Variants in KDM6A observed in about 807,000 individuals in gnomAD.
KDM6A encodes lysine demethylase 6A, also known as lysine-specific demethylase 6A.
KDM6A carries 11 observed loss-of-function variants against 117.6 expected under a neutral mutation model. That is an observed-to-expected ratio of 0.09 (90% CI 0.06 to 0.15). KDM6A has a LOEUF of 0.15. KDM6A is among the 10% of genes least tolerant of loss of function. The pLI, the probability that KDM6A is intolerant of heterozygous loss-of-function variation, is 1.00. For missense variants in KDM6A, 799 were observed against 1,077.3 expected, an observed-to-expected ratio of 0.74 and a Z score of 3.62; for synonymous variants, 384 against 396.1, an observed-to-expected ratio of 0.97 and a Z score of 0.36.
intron 2 of KDM6A, among the ~76,000 whole-genome samples, chrX:44,910,182 A>AT (rs2034993877): frequency 8.9e-6 from 1 of 111,870 alleles, no homozygotes; most frequent in Non-Finnish European, 1.9e-5. Context: ...GGTTACTCTT[A>AT]TTTTTTTCAT....
rs202112465 is a variant in KDM6A at position 45,053,805 on chromosome X, A to T, written c.749-24A>T. ...AAGAACAATTAAGTCATTTATGTAAATTTTTTTAAATCATTTACTGTAGGT... is the reference window on the plus strand; with the variant it reads ...AAGAACAATTAAGTCATTTATGTAATTTTTTTTAAATCATTTACTGTAGGT... On this transcript the variant is annotated intron_variant, in intron 9 of 29. Coordinates refer to ENST00000611820, the MANE Select transcript of KDM6A (RefSeq NM_001291415.2). 9.5e-5 allele frequency: 109 copies of T among 1,148,082 alleles called. No individual in the cohort carries two copies. The Middle Eastern group carries it at 3.8e-3, about 40-fold the overall frequency. 94.6% of individuals were successfully genotyped at this position (1,148,082 alleles called of 1,213,427 possible).
intron 2 of KDM6A, among the ~76,000 whole-genome samples, chrX:44,900,635 A>G (rs1224139850): frequency 8.9e-6 from 1 of 111,880 alleles, no homozygotes; most frequent in Non-Finnish European, 1.9e-5. Context: ...GTGGTGGCTC[A>G]CGCTTGTAAT....
chrX:44,875,118 T>C (rs1387724049), intron 2 of KDM6A, among the ~76,000 whole-genome samples: 2 of 112,010 alleles, frequency 1.8e-5, no homozygotes, highest in Non-Finnish European at 3.8e-5. Flanking sequence ...AAAGTTGGAG[T>C]GTGTGCTATG....
intron 2 of KDM6A, among the ~76,000 whole-genome samples, chrX:44,886,491 CTT>C (rs759245220): frequency 1.1e-4 from 11 of 97,511 alleles, no homozygotes; most frequent in Admixed American, 2.3e-4. Context: ...TACTTACTAT[CTT>C]TTTTTTTTTT....
chrX:44,932,913 G>A (rs1421189833), intron 2 of KDM6A, among the ~76,000 whole-genome samples: 2 of 106,039 alleles, frequency 1.9e-5, no homozygotes, highest in Non-Finnish European at 3.9e-5. Context: ...TTGAGATGGA[G>A]TTTCGCTCTT....
chrX:44,983,320 A>G (rs1464713830), intron 4 of KDM6A, among the ~76,000 whole-genome samples: 1 of 111,848 alleles, frequency 8.9e-6, no homozygotes, highest in Non-Finnish European at 1.9e-5. Flanking sequence ...TTTTTCAGTT[A>G]TACAGTTTAG....
At chrX:44,874,821 A>G (rs934567604) in intron 2 of KDM6A, among the ~76,000 whole-genome samples, 1 of 110,993 alleles carries the variant, frequency 9.0e-6, no homozygotes, top group Admixed American at 9.6e-5. Context: ...AAACATGGAA[A>G]TAAATAGTAG....
Position 45,038,502 on chromosome X carries a change from A to G in KDM6A, c.654+813A>G, listed in dbSNP as rs755496092. Among the ~76,000 whole-genome samples the G allele has an allele frequency of 7.3e-5, 8 of 110,012 alleles. No homozygotes were observed. The South Asian group carries it at 1.2e-3, about 16-fold the overall frequency. On this transcript the variant is annotated intron_variant, in intron 8 of 29. Transcript: ENST00000611820. ...ACTTTAAAAAACTTTTAAATTTTAG[A>G]ACATCTTGGTTTTGTGTGTGTTGAT...
intron 2 of KDM6A, among the ~76,000 whole-genome samples, chrX:44,912,490 A>G (rs1416149475): frequency 1.8e-5 from 2 of 112,264 alleles, no homozygotes; most frequent in Admixed American, 1.9e-4. Context: ...CAACACACGT[A>G]TGTTTTATAG....
intron 27 of KDM6A, among the ~76,000 whole-genome samples, chrX:45,097,072 A>T (rs781287001): frequency 9.0e-6 from 1 of 111,509 alleles, no homozygotes; most frequent in African/African-American, 3.3e-5. Flanking sequence ...ACATGGATGG[A>T]GCTGGAGGCC....
Position 44,961,276 on chromosome X carries a change from A to G in KDM6A, c.226-8A>G, listed in dbSNP as rs750880655. The G allele has an allele frequency of 3.2e-5, 38 of 1,172,520 alleles. No homozygotes were observed. In the East Asian group the frequency reaches 9.6e-4, roughly 29 times the overall value. On this transcript the variant is annotated splice_region_variant and splice_polypyrimidine_tract_variant and intron_variant, in intron 2 of 29. Coordinates refer to ENST00000611820, the MANE Select transcript of KDM6A (RefSeq NM_001291415.2). ...TTTGCTTACATATTTGTATTTTTTT[A>G]TTTCTAGGCTGTTCGCTGCTATGAA... is the stretch of plus-strand genomic sequence containing the variant.
chrX:44,874,876 T>TA (rs1263494978), intron 2 of KDM6A, among the ~76,000 whole-genome samples: 1 of 111,088 alleles, frequency 9.0e-6, no homozygotes, highest in Non-Finnish European at 1.9e-5. Context: ...CAGTGGTGTT[T>TA]AAAAAAAATT....
At chrX:45,024,842 A>G (rs1244516271) in intron 6 of KDM6A, among the ~76,000 whole-genome samples, 1 of 111,209 alleles carries the variant, frequency 9.0e-6, no homozygotes, top group Non-Finnish European at 1.9e-5. Flanking sequence ...GCCAGCATAG[A>G]TACTGTTGGA....
At chrX:45,006,715 A>T (rs2041510768) in intron 4 of KDM6A, among the ~76,000 whole-genome samples, 2 of 111,333 alleles carry the variant, frequency 1.8e-5, no homozygotes, top group Admixed American at 9.5e-5. Flanking sequence ...GAGGAAGTTT[A>T]AAAGTAGAAG....
intron 2 of KDM6A, among the ~76,000 whole-genome samples, chrX:44,894,982 G>T (rs1159056520): frequency 9.0e-6 from 1 of 110,943 alleles, no homozygotes; most frequent in South Asian, 3.7e-4. Flanking sequence ...GGCCAAGCTG[G>T]TCTCGAACTC....
At chrX:45,068,585 A>AG (rs1350298366) in intron 17 of KDM6A, among the ~76,000 whole-genome samples, 4 of 104,408 alleles carry the variant, frequency 3.8e-5, no homozygotes, top group Non-Finnish European at 5.9e-5. Flanking sequence ...AAAAAGAGAG[A>AG]CACAAGGTTC....
At chrX:44,924,649 GT>G (rs2036193921) in intron 2 of KDM6A, among the ~76,000 whole-genome samples, 3 of 5,659 alleles carry the variant, frequency 5.3e-4, no homozygotes, top group South Asian at 5.2e-3. Context: ...GTGGTCCTGG[GT>G]GTGTGTGTGT....
intron 27 of KDM6A, among the ~76,000 whole-genome samples, chrX:45,095,274 GTGAATCTATGGC>G (rs2046056075): frequency 9.0e-6 from 1 of 110,931 alleles, no homozygotes; most frequent in East Asian, 2.8e-4. Context: ...AAGTGCTTGA[GTGAATCTATGGC>G]ACATGACTTC....
At chrX:45,012,505 A>G (rs2041812374) in intron 5 of KDM6A, among the ~76,000 whole-genome samples, 1 of 110,622 alleles carries the variant, frequency 9.0e-6, no homozygotes, top group Admixed American at 9.6e-5. Context: ...ACCTGGTGAC[A>G]TTTTTTATTT....
Sources: gnomAD v4.1 joint callset for allele counts (sites outside exome capture counted in the v4.1 genomes callset) on GRCh38, gnomAD v4.1.1 for gene constraint, MANE v1.5 for transcripts, NCBI Gene and HGNC (gene_info 2026-07-23, HGNC 2026-07-21) for gene names.